WLS: variants seen among roughly 807,000 people sequenced by gnomAD.
WLS encodes Wnt ligand secretion mediator.
In WLS, 23 loss-of-function variants were observed where a neutral mutation model predicts 62.8. That is an observed-to-expected ratio of 0.37 (90% confidence interval 0.26 to 0.52). WLS has a LOEUF of 0.52. Among genes scored for constraint, WLS ranks in the 20% least tolerant of loss-of-function variants. WLS has a pLI of 0.92. For missense variants in WLS, 615 were observed against 697.3 expected, an observed-to-expected ratio of 0.88 and a Z score of 1.33; for synonymous variants, 246 against 244.1, an observed-to-expected ratio of 1.01 and a Z score of -0.07.
At chr1:68,101,055 G>A (rs1246177379) in intron 11 of WLS, among the ~76,000 whole-genome samples, 5 of 152,136 alleles carry the variant, frequency 3.3e-5, no homozygotes, top group Admixed American at 3.3e-4. Flanking sequence ...CCCTTGAAGT[G>A]CCTGCTTTTG....
chr1:68,155,845 C>T (rs1211740843), intron 3 of WLS, among the ~76,000 whole-genome samples: 1 of 151,996 alleles, frequency 6.6e-6, no homozygotes, highest in African/African-American at 2.4e-5. Flanking sequence ...AAGGTCGAAA[C>T]AGAAGAAAGA....
intron 2 of WLS, among the ~76,000 whole-genome samples, chr1:68,174,170 T>C (rs978426148): frequency 6.6e-6 from 1 of 152,188 alleles, no homozygotes; most frequent in African/African-American, 2.4e-5. Flanking sequence ...CAGCTCCATG[T>C]TGGCTCTCAG....
rs747021099 is a variant in WLS at position 68,148,628 on chromosome 1, A to G, written c.1005T>C (p.Tyr335=). Residue 335 remains tyrosine (Y), a synonymous_variant, in exon 7 of 12, where the codon TAT becomes TAC. Transcript: ENST00000262348. ...CGGCAATGGGTCCGACTTGCTTCCA[A>G]TACCCTGCGATGTGGTTCCGCTCGT... ...DQHERNHIAG[Y]WKQVGPIAVG... is the part of the protein sequence containing the mutation. 4.3e-6 allele frequency: 7 copies of G among 1,614,114 alleles called. No individual in the cohort carries two copies. The East Asian group carries it at 6.7e-5, about 15-fold the overall frequency.
At chr1:68,169,290 C>T (rs1208248129) in intron 2 of WLS, among the ~76,000 whole-genome samples, 1 of 152,186 alleles carries the variant, frequency 6.6e-6, no homozygotes, top group Non-Finnish European at 1.5e-5. Context: ...CCACTTACCC[C>T]TATTGTAGCC....
At chr1:68,137,116 A>G (rs1646621591) in intron 11 of WLS, among the ~76,000 whole-genome samples, 1 of 152,214 alleles carries the variant, frequency 6.6e-6, no homozygotes, top group Non-Finnish European at 1.5e-5. Context: ...TGCTGTGGCT[A>G]GTGAAGAAAC....
intron 1 of WLS, among the ~76,000 whole-genome samples, chr1:68,226,501 A>C (rs1266380703): frequency 2.0e-5 from 3 of 152,210 alleles, no homozygotes; most frequent in Non-Finnish European, 2.9e-5. Flanking sequence ...TTCAAGATGA[A>C]ATATTAATAT....
chr1:68,220,749 G>A (rs541881894), intron 1 of WLS, among the ~76,000 whole-genome samples: 1 of 152,266 alleles, frequency 6.6e-6, no homozygotes, highest in South Asian at 2.1e-4. Flanking sequence ...CCCACATCAA[G>A]AGGCAACTTT....
At chr1:68,130,889 CTTTTTT>C (rs56038722) in intron 11 of WLS, among the ~76,000 whole-genome samples, 44 of 100,826 alleles carry the variant, frequency 4.4e-4, no homozygotes, top group Middle Eastern at 5.9e-3. Flanking sequence ...GTTTCTTCTT[CTTTTTT>C]TTTTTTTTTT....
At position 68,177,317 on chromosome 1, in the gene WLS, C is replaced by G. The variant is rs149260418; in HGVS notation, c.379+16638G>C. Among the ~76,000 whole-genome samples the G allele has an allele frequency of 5.9e-3, 898 of 152,222 alleles. 9 individuals are homozygous for G. Among genetic ancestry groups the G allele is most frequent in the Non-Finnish European group, 8.0e-3 (542 of 68,014 alleles). On this transcript the variant is annotated intron_variant, in intron 2 of 11. Transcript: ENST00000262348. ...TGAATACTAAATGTGCAAATGGGGT[C>G]TATGCATATTTGTCTCCCAAGGTTA...
chr1:68,195,557 C>T (rs1026880153), intron 1 of WLS, among the ~76,000 whole-genome samples: 3 of 152,178 alleles, frequency 2.0e-5, no homozygotes, highest in African/African-American at 4.8e-5. Flanking sequence ...AAATCAACTT[C>T]TCCTTCATCA....
At chr1:68,139,834 A>G (rs1646661765) in intron 10 of WLS, among the ~76,000 whole-genome samples, 5 of 152,228 alleles carry the variant, frequency 3.3e-5, no homozygotes, top group Admixed American at 2.0e-4. Flanking sequence ...GTGGAGATGG[A>G]AAGAACCACT....
In WLS at chr1:68,232,312, C is replaced by G; in HGVS notation, c.-13G>C. On this transcript the variant is annotated 5_prime_UTR_variant, in exon 1 of 12. Transcript: ENST00000262348. ...TTGCCCCAGCCATTTTTGCGCCCCCCCTTTTTCTTTTCTCCTTGAAATAAA... is the reference window on the plus strand; with the variant it reads ...TTGCCCCAGCCATTTTTGCGCCCCCGCTTTTTCTTTTCTCCTTGAAATAAA... 1 of 1,613,224 alleles carries G rather than the reference C, an allele frequency of 6.2e-7. No individual in the cohort carries two copies. Among genetic ancestry groups the G allele is most frequent in the Non-Finnish European group, 8.5e-7 (1 of 1,179,612 alleles).
chr1:68,144,544 C>T, intron 10 of WLS, 25 bp downstream of exon 10: 1 of 1,607,642 alleles, frequency 6.2e-7, no homozygotes, highest in Non-Finnish European at 8.5e-7. Flanking sequence ...GACATTCTCA[C>T]CTTGACATCT....
intron 1 of WLS, among the ~76,000 whole-genome samples, chr1:68,210,691 C>T (rs1230542604): frequency 6.6e-6 from 1 of 152,090 alleles, no homozygotes; most frequent in Non-Finnish European, 1.5e-5. Context: ...ATTGGGGTTC[C>T]CTGTTGAAAA....
At chr1:68,208,719 C>T (rs569104112) in intron 1 of WLS, among the ~76,000 whole-genome samples, 79 of 152,240 alleles carry the variant, frequency 5.2e-4, no homozygotes, top group African/African-American at 1.9e-3. Context: ...ATAGAGGCAA[C>T]ATGAGAAAGT....
exon 12 of WLS, chr1:68,098,662 G>A (rs1557437455): frequency 2.5e-6 from 4 of 1,614,006 alleles, no homozygotes; most frequent in Middle Eastern, 1.7e-4. Flanking sequence ...TGTCATTGAT[G>A]AAGGAATATT....
chr1:68,176,656 T>G (rs1340812587), intron 2 of WLS, among the ~76,000 whole-genome samples: 1 of 152,210 alleles, frequency 6.6e-6, no homozygotes, highest in Non-Finnish European at 1.5e-5. Context: ...TGGACACTTT[T>G]CTACAGCCCA....
At chr1:68,193,423 A>C (rs1292118319) in intron 2 of WLS, among the ~76,000 whole-genome samples, 6 of 136,750 alleles carry the variant, frequency 4.4e-5, no homozygotes, top group African/African-American at 6.5e-5. Context: ...AAAAAAAAAA[A>C]AAAAAAAAAA....
intron 11 of WLS, among the ~76,000 whole-genome samples, chr1:68,112,880 C>G (rs1030343465): frequency 1.3e-5 from 2 of 152,206 alleles, no homozygotes; most frequent in African/African-American, 4.8e-5. Flanking sequence ...GCCTCTTGGA[C>G]CAAAACAAAC....
Sources: gnomAD v4.1 joint callset for allele counts (sites outside exome capture counted in the v4.1 genomes callset) on GRCh38, gnomAD v4.1.1 for gene constraint, MANE v1.5 for transcripts, NCBI Gene and HGNC (gene_info 2026-07-23, HGNC 2026-07-21) for gene names.